The following CHL1 variants were observed in gnomAD, a reference collection of about 807,000 sequenced individuals.
CHL1 encodes cell adhesion molecule L1 like, also known as neural cell adhesion molecule L1-like protein.
CHL1 carries 96 observed loss-of-function variants against 141.9 expected under a neutral mutation model. The observed-to-expected ratio is 0.68, with a 90% confidence interval of 0.57 to 0.80. The LOEUF is 0.80. Ranked by LOEUF, CHL1 falls within the 30% of genes least tolerant of loss-of-function variation. The pLI, the probability that CHL1 is intolerant of heterozygous loss-of-function variation, is 0.00. For synonymous variants in CHL1, 613 were observed against 502.2 expected, an observed-to-expected ratio of 1.22 and a Z score of -2.95; for missense variants, 1,820 against 1,457.2, an observed-to-expected ratio of 1.25 and a Z score of -4.05.
At chr3:204,855 A>G (rs1014347389) in intron 1 of CHL1, among the ~76,000 whole-genome samples, 12 of 152,170 alleles carry the variant, frequency 7.9e-5, no homozygotes, top group East Asian at 5.8e-4. Flanking sequence ...CTTTTTAGAA[A>G]ATTTTTCCAT....
intron 1 of CHL1, among the ~76,000 whole-genome samples, chr3:237,341 T>C (rs1692094229): frequency 6.6e-6 from 1 of 152,220 alleles, no homozygotes; most frequent in African/African-American, 2.4e-5. Context: ...ATTGTAAGTC[T>C]CCTGAGGCTT....
chr3:325,125 CA>C lies in CHL1; in HGVS notation c.92-831del, dbSNP rs1366716285. Among the ~76,000 whole-genome samples, 14 of 144,322 alleles carry C rather than the reference CA, an allele frequency of 9.7e-5. No homozygotes were observed. The East Asian group carries it at 2.9e-3, about 29-fold the overall frequency. 94.7% of individuals were successfully genotyped at this position (144,322 alleles called of 152,430 possible). A position where few individuals can be genotyped will look rare whatever the true frequency, so the allele number is the denominator to read the frequency against. On this transcript the variant is annotated intron_variant, in intron 3 of 27. Transcript: ENST00000256509. The stretch of plus-strand genomic sequence containing the variant: ...AAATGAAAACATAAATGAGGAATAA[CA>C]AACACTAAACAAGCCCATGAAAGAA...
intron 23 of CHL1, among the ~76,000 whole-genome samples, chr3:393,906 AT>A (rs1335589493): frequency 6.6e-6 from 1 of 152,134 alleles, no homozygotes; most frequent in Non-Finnish European, 1.5e-5. Flanking sequence ...TAATAAATGC[AT>A]TTTTTTAACC....
At chr3:377,795 T>C (rs773464703) in intron 15 of CHL1, 23 bp from the exon 16 acceptor site, 3 of 1,585,110 alleles carry the variant, frequency 1.9e-6, no homozygotes, top group Admixed American at 1.7e-5. Flanking sequence ...CTTCTCATCA[T>C]GTACTCACTT....
chr3:210,703 A>C (rs1699838521), intron 1 of CHL1, among the ~76,000 whole-genome samples: 1 of 152,236 alleles, frequency 6.6e-6, no homozygotes. Context: ...TAATTAACAG[A>C]ATTATTAAAC....
intron 2 of CHL1, among the ~76,000 whole-genome samples, chr3:317,393 C>G (rs186842607): frequency 2.0e-5 from 3 of 151,996 alleles, no homozygotes; most frequent in Admixed American, 2.0e-4. Flanking sequence ...ATTTGGCTAT[C>G]TAGTTATTCT....
At chr3:222,832 T>C (rs1402002044) in intron 1 of CHL1, among the ~76,000 whole-genome samples, 1 of 152,188 alleles carries the variant, frequency 6.6e-6, no homozygotes, top group Non-Finnish European at 1.5e-5. Flanking sequence ...TAATTCAAAG[T>C]ATTCATTACT....
At chr3:211,646 A>G (rs945830083) in intron 1 of CHL1, among the ~76,000 whole-genome samples, 6 of 152,170 alleles carry the variant, frequency 3.9e-5, no homozygotes, top group African/African-American at 1.4e-4. Flanking sequence ...TCTGACAAAC[A>G]TGAGTAGATG....
chr3:348,800 C>T (rs1702984632), intron 9 of CHL1, among the ~76,000 whole-genome samples: 1 of 152,180 alleles, frequency 6.6e-6, no homozygotes, highest in South Asian at 2.1e-4. Flanking sequence ...GCTGCAGATT[C>T]CAGCTTGCCC....
At chr3:339,935 A>G (rs1702231738) in intron 5 of CHL1, among the ~76,000 whole-genome samples, 1 of 152,138 alleles carries the variant, frequency 6.6e-6, no homozygotes. Context: ...TCTCCTCCAC[A>G]AGAGACTGTG....
intron 1 of CHL1, among the ~76,000 whole-genome samples, chr3:206,391 A>C (rs1245329240): frequency 6.6e-6 from 1 of 152,022 alleles, no homozygotes; most frequent in East Asian, 1.9e-4. Flanking sequence ...ACTTGAACCC[A>C]GGAGGCGGAG....
chr3:320,709 A>G (rs1365290245), intron 3 of CHL1, among the ~76,000 whole-genome samples: 6 of 152,052 alleles, frequency 3.9e-5, no homozygotes. Context: ...TTAAAAAAAT[A>G]AAAACTAAAA....
Position 408,737 on chromosome 3 carries a change from A to G in CHL1, c.*3026A>G, listed in dbSNP as rs1709683007. 6.6e-6 allele frequency: 1 copy of G among 152,120 alleles called. No individual in the cohort carries two copies. The highest frequency in any genetic ancestry group is 2.4e-5 in the African/African-American group (1 of 41,442). The allele number at this position is 152,120 out of a possible 1,614,324, so 9.4% of individuals were successfully genotyped here. A position where few individuals can be genotyped will look rare whatever the true frequency, so the allele number is the denominator to read the frequency against. ...TACATGCCATTGAAAATTATTAATC[A>G]GAAGAAAATTAAGCAGGGTCTTTGC... is the stretch of plus-strand genomic sequence containing the variant. On this transcript the variant is annotated 3_prime_UTR_variant, in exon 28 of 28. Coordinates refer to ENST00000256509, the MANE Select transcript of CHL1 (RefSeq NM_006614.4).
rs1708247854 is a variant in CHL1 at position 391,793 on chromosome 3, G to C, written c.2910G>C (p.Gln970His). 6.3e-7 allele frequency: 1 copy of C among 1,578,256 alleles called. No individual in the cohort carries two copies. The highest frequency in any genetic ancestry group is 2.0e-5 in the Admixed American group (1 of 50,878). The change falls in exon 23 of 28, where the codon CAG becomes CAC. Residue 970 changes from glutamine to histidine, a missense_variant. Gln to His is a conservative substitution (Grantham distance 24). Transcript: ENST00000256509. ...TAACTGGCTATCTTTTGCAATATCAGATAAGTAAGTAGAAATTTGAATTGG... is the reference window on the plus strand; with the variant it reads ...TAACTGGCTATCTTTTGCAATATCACATAAGTAAGTAGAAATTTGAATTGG... ...GNLTGYLLQY[Q>H]IINDTYEIGE... is the part of the protein sequence containing the mutation.
intron 1 of CHL1, among the ~76,000 whole-genome samples, chr3:216,485 A>G (rs1038929363): frequency 6.6e-6 from 1 of 152,206 alleles, no homozygotes; most frequent in Non-Finnish European, 1.5e-5. Context: ...GAATACTTTT[A>G]TGAATGAAAG....
chr3:312,711 T>C (rs1309876797), intron 2 of CHL1, among the ~76,000 whole-genome samples: 2 of 152,180 alleles, frequency 1.3e-5, no homozygotes, highest in Non-Finnish European at 2.9e-5. Context: ...CACTCCATCA[T>C]GAAAATGTCA....
chr3:276,284 A>G (rs931221810), intron 2 of CHL1, among the ~76,000 whole-genome samples: 1 of 152,332 alleles, frequency 6.6e-6, no homozygotes, highest in East Asian at 1.9e-4. Flanking sequence ...GATACTCAAT[A>G]AAATATATCA....
chr3:244,000 C>G (rs1447156980), intron 1 of CHL1, among the ~76,000 whole-genome samples: 1 of 152,116 alleles, frequency 6.6e-6, no homozygotes, highest in East Asian at 1.9e-4. Context: ...CTTGAGACAC[C>G]TGGGAATGAA....
intron 27 of CHL1, 95 bp downstream of exon 27, chr3:401,793 C>T: frequency 2.8e-6 from 2 of 713,888 alleles, no homozygotes; most frequent in Non-Finnish European, 4.6e-6. Context: ...AAAAAGGTTA[C>T]ATAACTACAA....
Sources: gnomAD v4.1 joint callset for allele counts (sites outside exome capture counted in the v4.1 genomes callset) on GRCh38, gnomAD v4.1.1 for gene constraint, MANE v1.5 for transcripts, NCBI Gene and HGNC (gene_info 2026-07-23, HGNC 2026-07-21) for gene names.